MCU: variants seen among roughly 807,000 people sequenced by gnomAD.
MCU encodes calcium uniporter protein, mitochondrial.
A neutral mutation model predicts 45.2 loss-of-function variants in MCU; 12 were observed. The observed-to-expected ratio is 0.27, with a 90% confidence interval of 0.17 to 0.43. The LOEUF is 0.43. Ranked by LOEUF, MCU falls within the 20% of genes least tolerant of loss-of-function variation. The pLI is 1.00. For missense variants in MCU, 324 were observed against 436.7 expected, an observed-to-expected ratio of 0.74 and a Z score of 2.30; for synonymous variants, 160 against 165.1, an observed-to-expected ratio of 0.97 and a Z score of 0.24.
chr10:72,729,091 A>G (rs1290919397), intron 1 of MCU, among the ~76,000 whole-genome samples: 1 of 152,204 alleles, frequency 6.6e-6, no homozygotes, highest in African/African-American at 2.4e-5. Flanking sequence ...GGACTGCTTC[A>G]AAATACCAAA....
At chr10:72,810,736 C>G (rs1224318568) in intron 1 of MCU, among the ~76,000 whole-genome samples, 1 of 151,744 alleles carries the variant, frequency 6.6e-6, no homozygotes, top group Non-Finnish European at 1.5e-5. Flanking sequence ...CTCAGGTGAT[C>G]TACCTGCCTC....
At chr10:72,839,721 A>C (rs986119918) in intron 2 of MCU, among the ~76,000 whole-genome samples, 1 of 151,426 alleles carries the variant, frequency 6.6e-6, no homozygotes, top group Admixed American at 6.6e-5. Context: ...TGGGAGGCTG[A>C]GGCGGGCAGA....
At chr10:72,773,740 C>G (rs1292578083) in intron 1 of MCU, among the ~76,000 whole-genome samples, 1 of 152,056 alleles carries the variant, frequency 6.6e-6, no homozygotes, top group African/African-American at 2.4e-5. Context: ...AGAAAAGAAG[C>G]AGATAACATA....
intron 4 of MCU, among the ~76,000 whole-genome samples, chr10:72,866,543 TGCACCACCACGCCCA>T: frequency 6.6e-6 from 1 of 152,196 alleles, no homozygotes; most frequent in African/African-American, 2.4e-5. Context: ...ATTACAGGCA[TGCACCACCACGCCCA>T]GCTAATTTTT....
intron 1 of MCU, among the ~76,000 whole-genome samples, chr10:72,710,649 T>G (rs1386672825): frequency 1.3e-5 from 2 of 151,680 alleles, no homozygotes; most frequent in East Asian, 3.9e-4. Context: ...CTTTTATTTT[T>G]AAATTGTGAA....
In MCU at chr10:72,884,410, C is replaced by A. The variant is rs184814366; in HGVS notation, c.978+28C>A. 3.1e-5 allele frequency: 39 copies of A among 1,270,764 alleles called. No homozygotes were observed. The African/African-American group carries it at 5.3e-4, about 17-fold the overall frequency. The allele number at this position is 1,270,764 out of a possible 1,614,324, so 78.7% of individuals were successfully genotyped here. A position where few individuals can be genotyped will look rare whatever the true frequency, so the allele number is the denominator to read the frequency against. On this transcript the variant is annotated intron_variant, in intron 7 of 7. Coordinates refer to ENST00000373053, the MANE Select transcript of MCU (RefSeq NM_138357.3). ...AAGTTTTACAAAAATTAAAATAAAT[C>A]CCAGCCCTATCTTGCATGGTTATTA...
rs892351121 is a variant in MCU, at chr10:72,826,887, C to T, written c.151-7472C>T. ...GTCCCACCCAAGACGTAAATCATCC[C>T]ACGTACAGTACAATAAGATATTTTA... is the stretch of plus-strand genomic sequence containing the variant. On this transcript the variant is annotated intron_variant, in intron 1 of 7. Transcript: ENST00000373053. 1.5e-3 allele frequency among the ~76,000 whole-genome samples: 221 copies of T among 152,288 alleles called. 2 individuals carry two copies. Among genetic ancestry groups the T allele is most frequent in the African/African-American group, 4.9e-3 (202 of 41,554 alleles).
chr10:72,855,220 C>G (rs996862659), intron 2 of MCU, among the ~76,000 whole-genome samples: 3 of 151,934 alleles, frequency 2.0e-5, no homozygotes, highest in Admixed American at 2.0e-4. Context: ...GCCTGGGCAA[C>G]AGAGCAAGAC....
At chr10:72,800,019 C>G (rs1164853530) in intron 1 of MCU, among the ~76,000 whole-genome samples, 1 of 152,202 alleles carries the variant, frequency 6.6e-6, no homozygotes, top group Non-Finnish European at 1.5e-5. Flanking sequence ...AAATCCAAAA[C>G]TTCTTGAGTG....
intron 6 of MCU, among the ~76,000 whole-genome samples, chr10:72,872,938 C>A (rs1194810490): frequency 6.6e-6 from 1 of 150,584 alleles, no homozygotes; most frequent in East Asian, 1.9e-4. Context: ...TTTATTATAG[C>A]CATTTTAACT....
In MCU at chr10:72,720,037, A is replaced by G. The variant is rs866726614; in HGVS notation, c.150+27736A>G. Reference sequence around the variant, plus strand: ...ATTACAGGTGCAAAATACTACGCCCATCTAATTAAATTTTTTTTTTTGGAG... The same window carrying G: ...ATTACAGGTGCAAAATACTACGCCCGTCTAATTAAATTTTTTTTTTTGGAG... On this transcript the variant is annotated intron_variant, in intron 1 of 7. Coordinates refer to ENST00000373053, the MANE Select transcript of MCU (RefSeq NM_138357.3). Among the ~76,000 whole-genome samples the G allele has an allele frequency of 1.7e-4, 26 of 151,946 alleles. No individual in the cohort carries two copies. In the Middle Eastern group the frequency reaches 0.01, roughly 60 times the overall value.
chr10:72,697,855 ACTCCTGGG>A (rs2132644800), intron 1 of MCU, among the ~76,000 whole-genome samples: 1 of 151,818 alleles, frequency 6.6e-6, no homozygotes, highest in South Asian at 2.1e-4. Context: ...GGAACCCTCA[ACTCCTGGG>A]CTTAAGCAGT....
chr10:72,807,115 T>C (rs74145964), intron 1 of MCU, among the ~76,000 whole-genome samples: 6,398 of 152,282 alleles, frequency 0.042, 435 homozygotes, highest in African/African-American at 0.14. Context: ...TTATTGCTTT[T>C]CACACTCAGG....
chr10:72,824,498 C>T (rs981096650), intron 1 of MCU, among the ~76,000 whole-genome samples: 7 of 151,904 alleles, frequency 4.6e-5, no homozygotes, highest in East Asian at 1.9e-4. Flanking sequence ...CGTGAGGCAC[C>T]GCGCCCGGCC....
chr10:72,781,764 T>C (rs1843997780), intron 1 of MCU, among the ~76,000 whole-genome samples: 1 of 152,014 alleles, frequency 6.6e-6, no homozygotes, highest in African/African-American at 2.4e-5. Flanking sequence ...TGTTATTTCT[T>C]TTTTTTTCTT....
chr10:72,827,123 T>C (rs1374174860), intron 1 of MCU, among the ~76,000 whole-genome samples: 5 of 152,184 alleles, frequency 3.3e-5, no homozygotes, highest in Admixed American at 2.6e-4. Context: ...GGGGAATAGT[T>C]AGAGTTTCTG....
Position 72,885,851 on chromosome 10 carries a change from A to G in MCU, c.*29A>G. 6.3e-7 allele frequency: 1 copy of G among 1,574,962 alleles called. No homozygotes were observed. Among genetic ancestry groups the G allele is most frequent in the Non-Finnish European group, 8.7e-7 (1 of 1,144,656 alleles). ...GCAAAAAGCCTCTGAATCCTGGCAGAAGGAACACCTGTTTGCCTTTTTAAT... is the reference window on the plus strand; with the variant it reads ...GCAAAAAGCCTCTGAATCCTGGCAGGAGGAACACCTGTTTGCCTTTTTAAT... On this transcript the variant is annotated 3_prime_UTR_variant, in exon 8 of 8. Transcript: ENST00000373053.
At chr10:72,780,124 A>G (rs11000411) in intron 1 of MCU, among the ~76,000 whole-genome samples, 69,531 of 152,106 alleles carry the variant, frequency 0.46, 20,100 homozygotes, top group Non-Finnish European at 0.67. Flanking sequence ...ACCGACACAT[A>G]CTATAACCCA....
At chr10:72,768,143 T>G (rs1843754922) in intron 1 of MCU, among the ~76,000 whole-genome samples, 1 of 152,104 alleles carries the variant, frequency 6.6e-6, no homozygotes, top group African/African-American at 2.4e-5. Context: ...ACAAAAGACT[T>G]TTTTAAAAAA....
Sources: gnomAD v4.1 joint callset for allele counts (sites outside exome capture counted in the v4.1 genomes callset) on GRCh38, gnomAD v4.1.1 for gene constraint, MANE v1.5 for transcripts, NCBI Gene and HGNC (gene_info 2026-07-23, HGNC 2026-07-21) for gene names.